The following RBAK variants were observed in gnomAD, a reference collection of about 807,000 sequenced individuals.
The protein encoded by RBAK is RB associated KRAB zinc finger.
A neutral mutation model predicts 65.8 loss-of-function variants in RBAK; 39 were observed. The ratio of observed to expected loss-of-function variants is 0.59; its 90% CI spans 0.46 to 0.77. The LOEUF is 0.77. Ranked by LOEUF, RBAK falls within the 30% of genes least tolerant of loss-of-function variation. RBAK has a pLI of 0.00. For synonymous variants in RBAK, 343 were observed against 289.7 expected (o/e 1.18, Z -1.87); for missense variants, 884 against 855.1 (o/e 1.03, Z -0.42).
chr7:5,053,047 A>G (rs1278423208), intron 2 of RBAK, among the ~76,000 whole-genome samples: 2 of 152,236 alleles, frequency 1.3e-5, no homozygotes, highest in Non-Finnish European at 2.9e-5. Flanking sequence ...GGTGTAAGCC[A>G]CCACACCCAG....
intron 4 of RBAK, among the ~76,000 whole-genome samples, chr7:5,059,165 G>A (rs543394961): frequency 5.9e-5 from 9 of 152,182 alleles, no homozygotes; most frequent in Admixed American, 2.0e-4. Flanking sequence ...TGTTTCTTTC[G>A]ACATTCGTGT....
Position 5,046,068 on chromosome 7 carries a change from G to A in RBAK, c.-373G>A. On this transcript the variant is annotated 5_prime_UTR_variant, in exon 1 of 5. Transcript: ENST00000396912. Reference sequence around the variant, plus strand: ...ACCCCCGAGCTTGAGCCCCGGAGCCGGCGGCGCTGGGGCCAGAGGGGCCGG... The same window carrying A: ...ACCCCCGAGCTTGAGCCCCGGAGCCAGCGGCGCTGGGGCCAGAGGGGCCGG... 3.5e-6 allele frequency: 1 copy of A among 283,406 alleles called. No individual in the cohort carries two copies. Among genetic ancestry groups the A allele is most frequent in the South Asian group, 2.8e-5 (1 of 35,574 alleles). The allele number at this position is 283,406 out of a possible 1,614,324, so 17.6% of individuals were successfully genotyped here. A position where few individuals can be genotyped will look rare whatever the true frequency, so the allele number is the denominator to read the frequency against.
At position 5,057,718 on chromosome 7, in the gene RBAK, G is replaced by T. The variant is rs763809913; in HGVS notation, c.177G>T (p.Lys59Asn). 2 of 1,613,828 alleles carry T rather than the reference G, an allele frequency of 1.2e-6. No homozygotes were observed. The highest frequency in any genetic ancestry group is 1.7e-6 in the Non-Finnish European group (2 of 1,179,872). Residue 59 changes from lysine (K) to asparagine (N), a missense_variant, in exon 4 of 5, where the codon AAG becomes AAT. Coordinates refer to ENST00000396912, the MANE Select transcript of RBAK (RefSeq NM_021163.4). ...YDTTKPNVII[K>N]LEQGEEPWIM... ...CCACCAAGCCAAACGTCATCATTAA[G>T]TTGGAGCAGGGAGAGGAGCCGTGGA...
Position 5,065,410 on chromosome 7 carries a change from G to C in RBAK, c.1954G>C (p.Glu652Gln), listed in dbSNP as rs767652741. 6.2e-7 allele frequency: 1 copy of C among 1,613,940 alleles called. No homozygotes were observed. Among genetic ancestry groups the C allele is most frequent in the East Asian group, 2.2e-5 (1 of 44,866 alleles). The change falls in exon 5 of 5, where the codon GAA (glutamate) becomes CAA (glutamine). Residue 652 changes from glutamate (E) to glutamine (Q), a missense_variant. Glu to Gln is a conservative substitution (Grantham distance 29). Coordinates refer to ENST00000396912, the MANE Select transcript of RBAK (RefSeq NM_021163.4). This position sits in a 1 kb window ranked among gnomAD's most constrained non-coding sequence, Gnocchi z 5.3. ...AAGCCATTCAGGAGAGAAACCCTAT[G>C]AATGTAATGAATGTGGGAAAGTCTT... Reference protein sequence around the residue: ...YRSHSGEKPYECNECGKVFSQ... With the variant: ...YRSHSGEKPYQCNECGKVFSQ...
At chr7:5,060,007 A>G (rs1779031418) in intron 4 of RBAK, among the ~76,000 whole-genome samples, 1 of 152,196 alleles carries the variant, frequency 6.6e-6, no homozygotes, top group Non-Finnish European at 1.5e-5. Flanking sequence ...TTAGGATTAT[A>G]TGCTCTGAGT....
At position 5,063,676 on chromosome 7, in the gene RBAK, T is replaced by G; in HGVS notation, c.239-19T>G. 6.5e-7 allele frequency: 1 copy of G among 1,543,766 alleles called. No individual in the cohort carries two copies. Among genetic ancestry groups the G allele is most frequent in the Non-Finnish European group, 8.7e-7 (1 of 1,147,186 alleles). On this transcript the variant is annotated intron_variant, in intron 4 of 4. Transcript: ENST00000396912. ...TGTGTTCAGATTTACAAAGTTTGTT[T>G]ACTATTTTTCCTTTTTAGAAGCCTG...
At chr7:5,053,923 CT>C (rs1788169373) in intron 2 of RBAK, among the ~76,000 whole-genome samples, 1 of 152,116 alleles carries the variant, frequency 6.6e-6, no homozygotes, top group African/African-American at 2.4e-5. Context: ...TGGACTGATT[CT>C]TTTCTTCCTT....
At chr7:5,063,516 T>G (rs1372425275) in intron 4 of RBAK, among the ~76,000 whole-genome samples, 179 bp from the exon 5 acceptor site, 2 of 151,872 alleles carry the variant, frequency 1.3e-5, no homozygotes, top group African/African-American at 4.8e-5. Flanking sequence ...TGTGTGTGTT[T>G]CTGTTTTGTA....
At chr7:5,061,407 C>T (rs76714686) in intron 4 of RBAK, among the ~76,000 whole-genome samples, 9,017 of 150,944 alleles carry the variant, frequency 0.06, 548 homozygotes, top group Admixed American at 0.2. Context: ...ACTTTCAAAA[C>T]ACTTCAAAGA....
rs548452222 is a variant in RBAK at position 5,048,321 on chromosome 7, C to T, written c.15+230C>T. On this transcript the variant is annotated intron_variant, in intron 2 of 4. Transcript: ENST00000396912. The surrounding 1 kb of genome is among the most constrained non-coding windows in gnomAD (Gnocchi z 4.4). The stretch of plus-strand genomic sequence containing the variant: ...CCGAGTAGCTGGGATTACAGGCGTG[C>T]GCCACCATGCCCAACTAATTTTTTG... Among the ~76,000 whole-genome samples, 1,734 of 151,944 alleles carry T rather than the reference C, an allele frequency of 0.011. 18 individuals are homozygous for T. The highest frequency in any genetic ancestry group is 0.016 in the Non-Finnish European group (1,090 of 67,958).
intron 2 of RBAK, among the ~76,000 whole-genome samples, chr7:5,053,816 G>C (rs575719945): frequency 2.2e-4 from 34 of 152,118 alleles, no homozygotes; most frequent in Non-Finnish European, 4.6e-4. Context: ...TTTACATCTT[G>C]CCTGTCTCAA....
chr7:5,052,671 CATTTT>C (rs1788142009), intron 2 of RBAK, among the ~76,000 whole-genome samples: 1 of 152,116 alleles, frequency 6.6e-6, no homozygotes, highest in Non-Finnish European at 1.5e-5. Context: ...CACCGTTGTT[CATTTT>C]ATTTTTACAG....
Position 5,067,750 on chromosome 7 carries a change from A to C in RBAK, c.*2149A>C, listed in dbSNP as rs1293552015. On this transcript the variant is annotated 3_prime_UTR_variant, in exon 5 of 5. Transcript: ENST00000396912. ...GGATGAAAAAACTGACTAGTGGAAC[A>C]GCATACAGATTCAAAAGTAGACCCA... is the stretch of plus-strand genomic sequence containing the variant. The C allele has an allele frequency of 6.6e-6, 1 of 152,234 alleles. No homozygotes were observed. The highest frequency in any genetic ancestry group is 1.5e-5 in the Non-Finnish European group (1 of 68,032). The allele number at this position is 152,234 out of a possible 1,614,324, so 9.4% of individuals were successfully genotyped here.
At chr7:5,059,181 A>G (rs1194356762) in intron 4 of RBAK, among the ~76,000 whole-genome samples, 1 of 152,160 alleles carries the variant, frequency 6.6e-6, no homozygotes, top group Non-Finnish European at 1.5e-5. Context: ...CGTGTTCAGT[A>G]TTCTCCCATA....
rs776826191 is a variant in RBAK, at chr7:5,048,026, C to G, written c.-44-7C>G. Reference sequence around the variant, plus strand: ...ATGACTTCAGTGACCTGCTTCTCCCCCTCTAGGTCTACCAGCCACAGTCTC... The same window carrying G: ...ATGACTTCAGTGACCTGCTTCTCCCGCTCTAGGTCTACCAGCCACAGTCTC... On this transcript the variant is annotated splice_region_variant and splice_polypyrimidine_tract_variant and intron_variant, in intron 1 of 4. Coordinates refer to ENST00000396912, the MANE Select transcript of RBAK (RefSeq NM_021163.4). The surrounding 1 kb of genome is among the most constrained non-coding windows in gnomAD (Gnocchi z 4.4). 11 of 1,493,676 alleles carry G rather than the reference C, an allele frequency of 7.4e-6. No homozygotes were observed. The East Asian group carries it at 9.1e-5, about 12-fold the overall frequency. The allele number at this position is 1,493,676 out of a possible 1,614,324, so 92.5% of individuals were successfully genotyped here. A position where few individuals can be genotyped will look rare whatever the true frequency, so the allele number is the denominator to read the frequency against.
At chr7:5,056,104 CT>C (rs887932671) in intron 2 of RBAK, among the ~76,000 whole-genome samples, 288 of 107,902 alleles carry the variant, frequency 2.7e-3, no homozygotes, top group African/African-American at 7.4e-3. Flanking sequence ...TTGCATTTTT[CT>C]TTTTTTTTTT....
chr7:5,056,072 G>A (rs1413644619), intron 2 of RBAK, among the ~76,000 whole-genome samples: 1 of 151,412 alleles, frequency 6.6e-6, no homozygotes, highest in Non-Finnish European at 1.5e-5. Flanking sequence ...CAAGGCAGGT[G>A]GATTGCTGGA....
At chr7:5,062,494 G>A (rs1779102092) in intron 4 of RBAK, among the ~76,000 whole-genome samples, 1 of 152,138 alleles carries the variant, frequency 6.6e-6, no homozygotes, top group Non-Finnish European at 1.5e-5. Flanking sequence ...ATATCACAAG[G>A]CAAATGGAGG....
At position 5,068,946 on chromosome 7, in the gene RBAK, T is replaced by C. The variant is rs1265379740; in HGVS notation, c.*3345T>C. The C allele has an allele frequency of 6.6e-6, 1 of 152,234 alleles. No individual in the cohort carries two copies. Among genetic ancestry groups the C allele is most frequent in the Admixed American group, 6.5e-5 (1 of 15,284 alleles). The allele number at this position is 152,234 out of a possible 1,614,324, so 9.4% of individuals were successfully genotyped here. On this transcript the variant is annotated 3_prime_UTR_variant, in exon 5 of 5. Coordinates refer to ENST00000396912, the MANE Select transcript of RBAK (RefSeq NM_021163.4). The stretch of plus-strand genomic sequence containing the variant: ...AGCCAACATGCTGTATGATTCCTTC[T>C]ATATAAATTATAAAGACGGGCAAAA...
Sources: allele counts gnomAD v4.1 joint callset (sites outside exome capture counted in the v4.1 genomes callset), GRCh38; gene constraint gnomAD v4.1.1; non-coding constraint Gnocchi (gnomAD v3.1); transcripts MANE v1.5; gene names NCBI Gene and HGNC (gene_info 2026-07-23, HGNC 2026-07-21).